RBFOX1: variants seen among roughly 807,000 people sequenced by gnomAD.
The protein encoded by RBFOX1 is RNA binding fox-1 homolog 1, also known as RNA binding protein fox-1 homolog 1.
RBFOX1 carries 8 observed loss-of-function variants against 57.7 expected under a neutral mutation model. The observed-to-expected ratio is 0.14, with a 90% CI of 0.08 to 0.25. The LOEUF (loss-of-function observed/expected upper bound fraction) is 0.25. Among genes scored for constraint, RBFOX1 ranks in the 10% least tolerant of loss-of-function variants. RBFOX1 has a pLI of 1.00. For synonymous variants in RBFOX1, 326 were observed against 222.4 expected, an observed-to-expected ratio of 1.47 and a Z score of -4.15; for missense variants, 611 against 548.5, an observed-to-expected ratio of 1.11 and a Z score of -1.14.
At chr16:6,080,555 T>C (rs1008233974) in intron 1 of RBFOX1, among the ~76,000 whole-genome samples, 1 of 152,102 alleles carries the variant, frequency 6.6e-6, no homozygotes, top group Admixed American at 6.5e-5. Flanking sequence ...ATAATTAAGA[T>C]AGGGATATTT....
intron 1 of RBFOX1, chr16:6,056,864 A>G (rs555190326): frequency 1.0e-5 from 1 of 96,262 alleles, no homozygotes; most frequent in Admixed American, 1.1e-4. Flanking sequence ...TTTCTTTTTT[A>G]CTCTGGAAGT....
rs183967330 is a variant in RBFOX1 at position 6,140,295 on chromosome 16, G to T, written c.-127+120303G>T. Among the ~76,000 whole-genome samples, 57 of 151,790 alleles carry T rather than the reference G, an allele frequency of 3.8e-4. No individual in the cohort carries two copies. The East Asian group carries it at 9.1e-3, about 24-fold the overall frequency. On this transcript the variant is annotated intron_variant, in intron 1 of 15. Transcript: ENST00000550418. ...CAGCCTCCACCTCCTGGGTTCAAGC[G>T]ATTGTCCTGCTTCAGCCCCATGAGT...
At chr16:6,368,574 A>G (rs1484243930) in intron 2 of RBFOX1, among the ~76,000 whole-genome samples, 4 of 152,298 alleles carry the variant, frequency 2.6e-5, no homozygotes, top group Non-Finnish European at 4.4e-5. Context: ...CTTCTGCTCT[A>G]TGATCTGAGC....
In RBFOX1 at chr16:5,594,969, TAAAA is replaced by T. The variant is rs34885484; in HGVS notation, c.259-3909_259-3906del. Among the ~76,000 whole-genome samples, 38 of 90,450 alleles carry T rather than the reference TAAAA, an allele frequency of 4.2e-4. 1 individual carries two copies. The highest frequency in any genetic ancestry group is 1.1e-3 in the African/African-American group (24 of 22,242). 59.3% of individuals were successfully genotyped at this position (90,450 alleles called of 152,430 possible). On this transcript the variant is annotated intron_variant, in intron 2 of 2. Coordinates refer to the RBFOX1 transcript ENST00000585867. ...CAACATGGTAAAACCCTGTCTCTACTAAAAAAAAAAAAAAAAAAAAAAAAAAATT... is the reference window on the plus strand; with the variant it reads ...CAACATGGTAAAACCCTGTCTCTACTAAAAAAAAAAAAAAAAAAAAAAATT...
intron 3 of RBFOX1, among the ~76,000 whole-genome samples, chr16:5,697,846 T>A (rs2050898447): frequency 6.6e-6 from 1 of 152,178 alleles, no homozygotes; most frequent in African/African-American, 2.4e-5. Flanking sequence ...CATCTATAGT[T>A]TCAACTTTAA....
intron 3 of RBFOX1, among the ~76,000 whole-genome samples, chr16:6,804,502 C>T (rs1486135364): frequency 3.3e-5 from 5 of 152,136 alleles, no homozygotes; most frequent in African/African-American, 1.2e-4. Context: ...GCTCTAGGTG[C>T]ATAAATAATC....
chr16:5,375,199 T>C (rs929965959), intron 1 of RBFOX1, among the ~76,000 whole-genome samples: 1 of 151,792 alleles, frequency 6.6e-6, no homozygotes, highest in Non-Finnish European at 1.5e-5. Context: ...AGCACTTTAA[T>C]GGTCATTGTG....
At chr16:5,328,355 C>G (rs2064645595) in intron 1 of RBFOX1, among the ~76,000 whole-genome samples, 1 of 152,188 alleles carries the variant, frequency 6.6e-6, no homozygotes, top group Admixed American at 6.5e-5. Context: ...CCAGGAGACG[C>G]TCTGACCTTA....
At chr16:7,469,193 C>G (rs2061092837) in intron 4 of RBFOX1, among the ~76,000 whole-genome samples, 1 of 151,608 alleles carries the variant, frequency 6.6e-6, no homozygotes, top group Admixed American at 6.6e-5. Context: ...CTTGGCCTCC[C>G]AAAATGCTGG....
chr16:5,357,815 C>G (rs1336259874), intron 1 of RBFOX1, among the ~76,000 whole-genome samples: 16 of 152,162 alleles, frequency 1.1e-4, no homozygotes, highest in Non-Finnish European at 2.1e-4. Flanking sequence ...CAATCTGTTG[C>G]TTATTTATCT....
intron 1 of RBFOX1, among the ~76,000 whole-genome samples, chr16:6,244,216 T>G (rs1458517471): frequency 6.6e-6 from 1 of 152,178 alleles, no homozygotes; most frequent in East Asian, 1.9e-4. Context: ...AAAATGGAGA[T>G]TTGGTTATAT....
intron 3 of RBFOX1, among the ~76,000 whole-genome samples, chr16:6,669,713 C>T (rs558587588): frequency 6.6e-6 from 1 of 152,102 alleles, no homozygotes; most frequent in African/African-American, 2.4e-5. Flanking sequence ...TTTGTATTTC[C>T]TTTTCAACTG....
chr16:7,016,019 C>G (rs560188447), intron 3 of RBFOX1, among the ~76,000 whole-genome samples: 14 of 152,118 alleles, frequency 9.2e-5, no homozygotes, highest in Admixed American at 6.6e-4. Context: ...GGGTTTCTTT[C>G]TTGGAAAGAC....
At chr16:6,841,832 T>A (rs1030313086) in intron 3 of RBFOX1, among the ~76,000 whole-genome samples, 17 of 152,036 alleles carry the variant, frequency 1.1e-4, no homozygotes, top group Non-Finnish European at 2.2e-4. Flanking sequence ...TCAGGTAGAA[T>A]TTTTTAGCAT....
At chr16:5,554,171 G>A (rs139926817) in intron 2 of RBFOX1, among the ~76,000 whole-genome samples, 27 of 151,862 alleles carry the variant, frequency 1.8e-4, no homozygotes, top group East Asian at 9.7e-4. Context: ...AGGTTTTACC[G>A]TGTTGGCCAG....
At chr16:7,063,407 C>T (rs990124383) in intron 4 of RBFOX1, among the ~76,000 whole-genome samples, 2 of 152,100 alleles carry the variant, frequency 1.3e-5, no homozygotes, top group African/African-American at 4.8e-5. Flanking sequence ...TCACATGTCT[C>T]TCTGCCAACT....
chr16:6,134,829 T>C (rs1474227530), intron 1 of RBFOX1, among the ~76,000 whole-genome samples: 1 of 140,316 alleles, frequency 7.1e-6, no homozygotes, highest in African/African-American at 2.7e-5. Context: ...TCTAGCATCT[T>C]ACCCCAGGCA....
chr16:5,900,114 C>G (rs906476672), intron 4 of RBFOX1, among the ~76,000 whole-genome samples: 1 of 152,196 alleles, frequency 6.6e-6, no homozygotes, highest in African/African-American at 2.4e-5. Flanking sequence ...GTTTCTTCAA[C>G]AACGTTGTCT....
intron 4 of RBFOX1, among the ~76,000 whole-genome samples, chr16:7,487,277 C>T (rs1342246793): frequency 6.6e-6 from 1 of 152,178 alleles, no homozygotes; most frequent in Non-Finnish European, 1.5e-5. Context: ...TATACTCCTT[C>T]CTCAACTACT....
Sources: allele counts gnomAD v4.1 joint callset (sites outside exome capture counted in the v4.1 genomes callset), GRCh38; gene constraint gnomAD v4.1.1; transcripts MANE v1.5; gene names NCBI Gene and HGNC (gene_info 2026-07-23, HGNC 2026-07-21).